The following SLC4A10 variants were observed in gnomAD, a reference collection of about 807,000 sequenced individuals.
SLC4A10 encodes sodium-driven chloride bicarbonate exchanger.
A neutral mutation model predicts 137.7 loss-of-function variants in SLC4A10; 42 were observed. The observed-to-expected ratio is 0.30, with a 90% CI of 0.24 to 0.39. SLC4A10 has a LOEUF of 0.39. Among genes scored for constraint, SLC4A10 ranks in the 10% least tolerant of loss-of-function variants. The pLI is 1.00. For missense variants in SLC4A10, 925 were observed against 1,355.0 expected (o/e 0.68, Z 4.98); for synonymous variants, 474 against 464.1 (o/e 1.02, Z -0.27).
intron 1 of SLC4A10, among the ~76,000 whole-genome samples, chr2:161,678,612 C>A (rs2040517371): frequency 6.6e-6 from 1 of 152,136 alleles, no homozygotes; most frequent in South Asian, 2.1e-4. Flanking sequence ...CTCCTCCATG[C>A]TTCTTTCTAG....
chr2:161,638,994 A>T (rs1454182813), intron 1 of SLC4A10, among the ~76,000 whole-genome samples: 1 of 152,084 alleles, frequency 6.6e-6, no homozygotes, highest in Non-Finnish European at 1.5e-5. Context: ...AAGGATCATT[A>T]TCAACAACTA....
intron 19 of SLC4A10, among the ~76,000 whole-genome samples, chr2:161,953,148 A>G (rs1223786519): frequency 1.3e-5 from 2 of 152,046 alleles, no homozygotes; most frequent in East Asian, 1.9e-4. Flanking sequence ...CACTTGGTAG[A>G]CTCCACATCA....
chr2:161,833,220 G>C (rs2058551025), intron 3 of SLC4A10, among the ~76,000 whole-genome samples: 1 of 152,206 alleles, frequency 6.6e-6, no homozygotes, highest in South Asian at 2.1e-4. Flanking sequence ...CCAAAACTGG[G>C]ATATCTTTTT....
intron 3 of SLC4A10, among the ~76,000 whole-genome samples, chr2:161,827,199 T>C (rs2058071921): frequency 6.6e-6 from 1 of 152,222 alleles, no homozygotes; most frequent in Non-Finnish European, 1.5e-5. Context: ...TTCTTCTCTC[T>C]CAAGACTTTC....
At chr2:161,933,189 TTCTTTCTTTCTTTCTTTC>T (rs1273280400) in intron 15 of SLC4A10, among the ~76,000 whole-genome samples, 1 of 54,492 alleles carries the variant, frequency 1.8e-5, no homozygotes, top group Non-Finnish European at 3.9e-5. Flanking sequence ...CTTCTTTTCT[TTCTTTCTTTCTTTCTTTC>T]TTTCTTTCTT....
intron 2 of SLC4A10, among the ~76,000 whole-genome samples, chr2:161,787,053 A>T (rs998113817): frequency 6.6e-6 from 1 of 152,012 alleles, no homozygotes; most frequent in Non-Finnish European, 1.5e-5. Context: ...TATGACAAAG[A>T]GTATTGTCCT....
chr2:161,797,116 T>A (rs926117358), intron 2 of SLC4A10, among the ~76,000 whole-genome samples: 13 of 152,144 alleles, frequency 8.5e-5, no homozygotes, highest in African/African-American at 3.1e-4. Flanking sequence ...CAAAATGTTT[T>A]AAAATAAATG....
At chr2:161,956,742 A>C (rs757939025) in intron 19 of SLC4A10, among the ~76,000 whole-genome samples, 1 of 152,230 alleles carries the variant, frequency 6.6e-6, no homozygotes, top group East Asian at 1.9e-4. Flanking sequence ...AGATAGCACT[A>C]TATTAAGGAG....
intron 15 of SLC4A10, among the ~76,000 whole-genome samples, chr2:161,913,878 G>A (rs181696899): frequency 5.3e-5 from 8 of 152,230 alleles, no homozygotes; most frequent in South Asian, 2.1e-4. Context: ...TAGGATATCT[G>A]CCACTTCTAT....
intron 1 of SLC4A10, among the ~76,000 whole-genome samples, chr2:161,665,926 A>G (rs2038985476): frequency 2.0e-5 from 3 of 148,394 alleles, no homozygotes; most frequent in Non-Finnish European, 1.5e-5. Context: ...AACCCTATAT[A>G]TAGACTACAT....
intron 2 of SLC4A10, among the ~76,000 whole-genome samples, chr2:161,790,116 T>G (rs1245261975): frequency 1.3e-5 from 2 of 152,208 alleles, no homozygotes; most frequent in Non-Finnish European, 2.9e-5. Flanking sequence ...TTTTTCATGA[T>G]GATTTTTAAA....
intron 15 of SLC4A10, among the ~76,000 whole-genome samples, chr2:161,917,192 TA>T (rs1687273103): frequency 2.6e-5 from 4 of 152,220 alleles, no homozygotes; most frequent in Admixed American, 2.6e-4. Flanking sequence ...TTGTTGCATG[TA>T]TCAATTTATT....
At chr2:161,782,926 G>T (rs928465333) in intron 2 of SLC4A10, among the ~76,000 whole-genome samples, 2 of 151,348 alleles carry the variant, frequency 1.3e-5, no homozygotes, top group African/African-American at 2.4e-5. Flanking sequence ...AGAACCAGAA[G>T]ATTTATTCAA....
chr2:161,661,883 C>G (rs1210138697), intron 1 of SLC4A10, among the ~76,000 whole-genome samples: 1 of 152,008 alleles, frequency 6.6e-6, no homozygotes, highest in African/African-American at 2.4e-5. Context: ...ATTAGGCTAC[C>G]TTACTTCAGA....
At chr2:161,852,133 T>C (rs890329027) in intron 4 of SLC4A10, among the ~76,000 whole-genome samples, 2 of 152,190 alleles carry the variant, frequency 1.3e-5, no homozygotes, top group African/African-American at 4.8e-5. Flanking sequence ...GAATCAATTG[T>C]ATAAACAGGG....
Position 161,903,300 on chromosome 2 carries a change from G to A in SLC4A10, c.1443-704G>A, listed in dbSNP as rs78632417. ...TTGTGAATCACAGATGCTGGGATAT[G>A]TTAACGCAATAGTGGATCAAAATTA... On this transcript the variant is annotated intron_variant, in intron 12 of 26. Coordinates refer to ENST00000446997, the MANE Select transcript of SLC4A10 (RefSeq NM_001178015.2). 7.1e-4 allele frequency among the ~76,000 whole-genome samples: 108 copies of A among 152,262 alleles called. No individual in the cohort carries two copies. The East Asian group carries it at 0.02, about 28-fold the overall frequency.
rs746836157 is a variant in SLC4A10, at chr2:161,950,852, T to C, written c.2541+4T>C. 1 of 1,580,996 alleles carries C rather than the reference T, an allele frequency of 6.3e-7. No homozygotes were observed. The highest frequency in any genetic ancestry group is 8.6e-7 in the Non-Finnish European group (1 of 1,162,708). ...CAGGAAAGAGCATAAGCTAAAGGTATATTTTAACATCCATTTTAATGTAAA... is the reference window on the plus strand; with the variant it reads ...CAGGAAAGAGCATAAGCTAAAGGTACATTTTAACATCCATTTTAATGTAAA... On this transcript the variant is annotated splice_donor_region_variant and intron_variant, in intron 19 of 26. Transcript: ENST00000446997.
At chr2:161,920,685 G>T (rs1486280541) in intron 15 of SLC4A10, among the ~76,000 whole-genome samples, 1 of 152,180 alleles carries the variant, frequency 6.6e-6, no homozygotes, top group Non-Finnish European at 1.5e-5. Flanking sequence ...GGGAGGTGGT[G>T]CTCTTCAAAT....
chr2:161,636,007 T>A (rs1259754466), intron 1 of SLC4A10, among the ~76,000 whole-genome samples: 1 of 152,158 alleles, frequency 6.6e-6, no homozygotes, highest in Admixed American at 6.5e-5. Flanking sequence ...CATCATAAAT[T>A]TGATGTTTGT....
Sources: allele counts gnomAD v4.1 joint callset (sites outside exome capture counted in the v4.1 genomes callset), GRCh38; gene constraint gnomAD v4.1.1; transcripts MANE v1.5; gene names NCBI Gene and HGNC (gene_info 2026-07-23, HGNC 2026-07-21).